PEX5L: variants seen among roughly 807,000 people sequenced by gnomAD.
PEX5L encodes peroxisomal biogenesis factor 5 like, also known as PEX5-related protein.
In PEX5L, 30 loss-of-function variants were observed where a neutral mutation model predicts 84.0. That is an observed-to-expected ratio of 0.36 (90% CI 0.27 to 0.48). The LOEUF (loss-of-function observed/expected upper bound fraction) is 0.48, where lower values mean the gene tolerates loss of function less well. Ranked by LOEUF, PEX5L falls within the 20% of genes least tolerant of loss-of-function variation. PEX5L has a pLI of 0.99. For missense variants in PEX5L, 533 were observed against 754.6 expected (o/e 0.71, Z 3.44); for synonymous variants, 270 against 283.1 (o/e 0.95, Z 0.46).
chr3:179,823,983 G>A (rs972943046), intron 8 of PEX5L, among the ~76,000 whole-genome samples: 4 of 151,996 alleles, frequency 2.6e-5, no homozygotes, highest in Non-Finnish European at 4.4e-5. Context: ...TACATTGGAC[G>A]TTATTTTCCT....
intron 1 of PEX5L, among the ~76,000 whole-genome samples, chr3:180,025,373 T>G (rs1790853695): frequency 1.3e-5 from 2 of 152,196 alleles, no homozygotes; most frequent in Non-Finnish European, 1.5e-5. Flanking sequence ...GTATATACTT[T>G]GCACTACTAG....
chr3:179,866,265 C>T (rs2037633), intron 7 of PEX5L, among the ~76,000 whole-genome samples: 139,348 of 152,226 alleles, frequency 0.92, 63,889 homozygotes, highest in South Asian at 0.97. Flanking sequence ...TATATATTAT[C>T]GCTGGAGGAG....
chr3:179,913,228 T>C (rs1765799746), intron 2 of PEX5L, among the ~76,000 whole-genome samples: 1 of 152,132 alleles, frequency 6.6e-6, no homozygotes, highest in Admixed American at 6.6e-5. Context: ...ACAGCTGATT[T>C]TCTCAGAATG....
At chr3:179,944,630 G>A (rs536906180) in intron 2 of PEX5L, among the ~76,000 whole-genome samples, 7 of 152,204 alleles carry the variant, frequency 4.6e-5, no homozygotes, top group African/African-American at 1.7e-4. Flanking sequence ...TCTTTTAAAT[G>A]ACCTTATCAC....
At chr3:179,922,683 G>T (rs1213021656) in intron 2 of PEX5L, among the ~76,000 whole-genome samples, 1 of 151,524 alleles carries the variant, frequency 6.6e-6, no homozygotes, top group Non-Finnish European at 1.5e-5. Flanking sequence ...CAAACTCCTG[G>T]TCTCAAGTGA....
chr3:180,036,871 C>T lies in PEX5L; in HGVS notation c.-272G>A. On this transcript the variant is annotated 5_prime_UTR_variant, in exon 1 of 15. Coordinates refer to ENST00000467460, the MANE Select transcript of PEX5L (RefSeq NM_016559.3). ...CGGGTCGGCCAGGCTCTCCTGCAGG[C>T]GCGGGTCCTGCTCGCGGGGCGTCTC... is the stretch of plus-strand genomic sequence containing the variant. The T allele has an allele frequency of 1.8e-6, 1 of 541,384 alleles. No individual in the cohort carries two copies. The highest frequency in any genetic ancestry group is 3.3e-6 in the Non-Finnish European group (1 of 298,936). The allele number at this position is 541,384 out of a possible 1,614,324, so 33.5% of individuals were successfully genotyped here.
intron 2 of PEX5L, among the ~76,000 whole-genome samples, chr3:179,959,567 T>C (rs779120115): frequency 1.3e-5 from 2 of 152,340 alleles, no homozygotes; most frequent in Non-Finnish European, 2.9e-5. Context: ...AAATAATGTA[T>C]TTTTTCTTTT....
intron 7 of PEX5L, among the ~76,000 whole-genome samples, chr3:179,860,134 T>TC (rs1329343135): frequency 6.6e-6 from 1 of 152,118 alleles, no homozygotes; most frequent in Non-Finnish European, 1.5e-5. Context: ...TTTGTTTTTT[T>TC]TGGTCAACCT....
chr3:179,809,725 T>C, intron 11 of PEX5L, 57 bp from the exon 12 acceptor site: 1 of 1,335,410 alleles, frequency 7.5e-7, no homozygotes, highest in Middle Eastern at 2.6e-4. Context: ...ATCTAACAGT[T>C]CTTCAGAAAA....
At chr3:180,031,542 A>G (rs918427436) in intron 1 of PEX5L, among the ~76,000 whole-genome samples, 2 of 152,376 alleles carry the variant, frequency 1.3e-5, no homozygotes, top group South Asian at 4.1e-4. Flanking sequence ...ATTTGAAATT[A>G]TATTTTTAGA....
intron 8 of PEX5L, among the ~76,000 whole-genome samples, chr3:179,854,698 G>T (rs73174477): frequency 6.6e-6 from 1 of 152,020 alleles, no homozygotes; most frequent in Non-Finnish European, 1.5e-5. Flanking sequence ...ATTAATTAAT[G>T]AATGAATTTC....
chr3:179,894,321 C>T (rs3821795), intron 3 of PEX5L, among the ~76,000 whole-genome samples: 3 of 151,882 alleles, frequency 2.0e-5, no homozygotes, highest in East Asian at 1.9e-4. Flanking sequence ...GCTCTGTGAT[C>T]GTAACTCTGA....
intron 1 of PEX5L, among the ~76,000 whole-genome samples, chr3:180,029,259 C>T (rs111675769): frequency 0.092 from 13,934 of 152,080 alleles, 756 homozygotes; most frequent in Non-Finnish European, 0.13. Flanking sequence ...GAACTCCTGA[C>T]CTCAAGTGAT....
chr3:179,856,930 T>C (rs1744213369), intron 8 of PEX5L, among the ~76,000 whole-genome samples: 2 of 152,366 alleles, frequency 1.3e-5, no homozygotes, highest in South Asian at 4.1e-4. Context: ...TAAAGTAGAA[T>C]GAACAAGTGG....
At chr3:179,820,207 C>A in intron 8 of PEX5L, 1 of 553,668 alleles carries the variant, frequency 1.8e-6, no homozygotes, top group African/African-American at 1.9e-5. Context: ...ATCAGAAAGA[C>A]CAGGACCACA....
intron 2 of PEX5L, among the ~76,000 whole-genome samples, chr3:179,907,635 GA>G (rs1763722095): frequency 6.6e-6 from 1 of 151,862 alleles, no homozygotes; most frequent in South Asian, 2.1e-4. Context: ...TTTTAAAGAT[GA>G]AAAAAACTGT....
intron 2 of PEX5L, among the ~76,000 whole-genome samples, chr3:179,931,443 CTT>C (rs777857557): frequency 2.0e-5 from 3 of 152,200 alleles, no homozygotes; most frequent in Non-Finnish European, 4.4e-5. Flanking sequence ...GGATTCCTGA[CTT>C]TTAATCTCTT....
chr3:179,835,670 C>G (rs545052342), intron 8 of PEX5L, among the ~76,000 whole-genome samples: 1 of 152,226 alleles, frequency 6.6e-6, no homozygotes, highest in African/African-American at 2.4e-5. Context: ...AGATTGTTTT[C>G]AGGGATAATT....
At chr3:180,005,763 T>C (rs1788833969) in intron 1 of PEX5L, among the ~76,000 whole-genome samples, 1 of 152,064 alleles carries the variant, frequency 6.6e-6, no homozygotes, top group Admixed American at 6.5e-5. Context: ...GAGACCAAGG[T>C]CTCACTGTAT....
Sources: gnomAD v4.1 joint callset for allele counts (sites outside exome capture counted in the v4.1 genomes callset) on GRCh38, gnomAD v4.1.1 for gene constraint, MANE v1.5 for transcripts, NCBI Gene and HGNC (gene_info 2026-07-23, HGNC 2026-07-21) for gene names.